Variants in EP400 observed in about 807,000 individuals in gnomAD.
EP400 encodes E1A-binding protein p400.
In EP400, 105 loss-of-function variants were observed where a neutral mutation model predicts 354.1. The observed-to-expected ratio is 0.30, with a 90% CI of 0.25 to 0.35. The LOEUF is 0.35. EP400 is among the 10% of genes least tolerant of loss of function. The pLI is 1.00. For synonymous variants in EP400, 1,646 were observed against 1,716.9 expected (o/e 0.96, Z 1.02); for missense variants, 3,280 against 4,121.0 (o/e 0.80, Z 5.59).
intron 1 of EP400, among the ~76,000 whole-genome samples, chr12:131,955,926 A>G (rs1891683427): frequency 6.6e-6 from 1 of 152,182 alleles, no homozygotes; most frequent in Non-Finnish European, 1.5e-5. Flanking sequence ...GATTACAGGC[A>G]TGAGTCACTG....
At chr12:131,987,294 T>C (rs1892885868) in intron 6 of EP400, among the ~76,000 whole-genome samples, 1 of 152,240 alleles carries the variant, frequency 6.6e-6, no homozygotes. Context: ...CCCCATTATT[T>C]GATTTTATCA....
Position 132,037,743 on chromosome 12 carries a change from C to T in EP400, c.6013C>T (p.Arg2005Ter), listed in dbSNP as rs1378171550. Reference sequence around the variant, plus strand: ...GAAAAATGGAACTAAAGATCTGATCCGAGAAGTGGCTGCTCAGGGAAATGA... The same window carrying T: ...GAAAAATGGAACTAAAGATCTGATCTGAGAAGTGGCTGCTCAGGGAAATGA... The part of the protein sequence containing the change: ...LLKNGTKDLI[R>*]EVAAQGNDYS... The change falls in exon 31 of 53, where the codon CGA becomes TGA. Residue 2005 changes from arginine (R) to a stop codon, truncating the protein, a stop_gained. Coordinates refer to ENST00000389561, the MANE Select transcript of EP400 (RefSeq NM_015409.5). LOFTEE classifies it high-confidence loss of function. 3 of 1,614,168 alleles carry T rather than the reference C, an allele frequency of 1.9e-6. No individual in the cohort carries two copies. The highest frequency in any genetic ancestry group is 2.5e-6 in the Non-Finnish European group (3 of 1,180,028).
At chr12:132,020,535 C>T (rs1032602527) in intron 22 of EP400, among the ~76,000 whole-genome samples, 53 of 152,230 alleles carry the variant, frequency 3.5e-4, no homozygotes, top group African/African-American at 1.2e-3. Context: ...CTCCTGAGAA[C>T]GTCTGCTCAT....
intron 29 of EP400, 24 bp from the exon 30 acceptor site, chr12:132,031,929 C>G: frequency 6.3e-7 from 1 of 1,581,988 alleles, no homozygotes; most frequent in African/African-American, 1.4e-5. Context: ...AGAATACTAA[C>G]TCCTGTGTTT....
At position 132,021,274 on chromosome 12, in the gene EP400, T is replaced by C. The variant is rs1195852111; in HGVS notation, c.4643T>C (p.Leu1548Pro). The change falls in exon 23 of 53, where the codon CTG becomes CCG. Residue 1548 changes from leucine (L) to proline (P), a missense_variant. By Grantham distance (98) the Leu-to-Pro change is moderately conservative. Coordinates refer to ENST00000389561, the MANE Select transcript of EP400 (RefSeq NM_015409.5). ...APSHAAGQSALPQRLVLPSQA... is the reference protein window; with the variant it reads ...APSHAAGQSAPPQRLVLPSQA... ...TCGCACGCGGCCGGGCAGAGCGCGCTGCCTCAGAGGCTGGTGCTCCCCTCG... is the reference window on the plus strand; with the variant it reads ...TCGCACGCGGCCGGGCAGAGCGCGCCGCCTCAGAGGCTGGTGCTCCCCTCG... 8 of 1,530,700 alleles carry C rather than the reference T, an allele frequency of 5.2e-6. No homozygotes were observed. The highest frequency in any genetic ancestry group is 7.0e-6 in the Non-Finnish European group (8 of 1,144,800). 94.8% of individuals were successfully genotyped at this position (1,530,700 alleles called of 1,614,324 possible).
At chr12:132,008,566 A>G (rs186822565) in intron 15 of EP400, among the ~76,000 whole-genome samples, 76 of 151,932 alleles carry the variant, frequency 5.0e-4, no homozygotes, top group African/African-American at 1.7e-3. Context: ...ATAGTAAAAT[A>G]TTGGAAGTAG....
Position 131,990,752 on chromosome 12 carries a change from G to C in EP400, c.2629+38G>C. 6.7e-7 allele frequency: 1 copy of C among 1,494,254 alleles called. No individual in the cohort carries two copies. Among genetic ancestry groups the C allele is most frequent in the Non-Finnish European group, 9.2e-7 (1 of 1,084,894 alleles). The allele number at this position is 1,494,254 out of a possible 1,614,324, so 92.6% of individuals were successfully genotyped here. ...AAAAAAAGGCTCACCACGCTTGGGT[G>C]GTATTTTGTTCGGATTCTTTTCTCA... On this transcript the variant is annotated intron_variant, in intron 9 of 52. Transcript: ENST00000389561. This position sits in a 1 kb window ranked among gnomAD's most constrained non-coding sequence, Gnocchi z 4.2.
intron 39 of EP400, among the ~76,000 whole-genome samples, chr12:132,046,690 C>T (rs745496717): frequency 1.0e-3 from 152 of 152,294 alleles, no homozygotes; most frequent in Non-Finnish European, 1.7e-3. Flanking sequence ...TGCCTTCCCT[C>T]GAGCTGAGTC....
chr12:131,957,620 A>G (rs1891747199), intron 1 of EP400, among the ~76,000 whole-genome samples: 1 of 150,352 alleles, frequency 6.7e-6, no homozygotes. Flanking sequence ...TGTTTGAGAC[A>G]GTTTTGGTTT....
rs1049572508 is a variant in EP400, at chr12:131,999,118, T to G, written c.2827+4162T>G. 4.0e-5 allele frequency among the ~76,000 whole-genome samples: 6 copies of G among 151,724 alleles called. No homozygotes were observed. In the South Asian group the frequency reaches 1.3e-3, roughly 32 times the overall value. On this transcript the variant is annotated intron_variant, in intron 12 of 52. Transcript: ENST00000389561. Reference sequence around the variant, plus strand: ...TCAGTAGAAAGGCAGATTATTAGAGTTTTGAGTCATAACTGCATGGTTCAA... The same window carrying G: ...TCAGTAGAAAGGCAGATTATTAGAGGTTTGAGTCATAACTGCATGGTTCAA...
intron 48 of EP400, chr12:132,065,811 G>C (rs1202415919): frequency 1.3e-5 from 2 of 152,284 alleles, no homozygotes; most frequent in Non-Finnish European, 2.9e-5. Flanking sequence ...AATTCACTGA[G>C]AAGGGTGGTA....
chr12:132,069,454 GGCATGGTCT>G (rs2136617800), intron 50 of EP400, 32 bp from the exon 51 acceptor site: 1 of 1,603,528 alleles, frequency 6.2e-7, no homozygotes, highest in East Asian at 2.2e-5. Context: ...TCTTGAGCGC[GGCATGGTCT>G]CTGCGGCCCT....
At chr12:132,058,585 C>T (rs928785258) in intron 45 of EP400, among the ~76,000 whole-genome samples, 15 of 151,968 alleles carry the variant, frequency 9.9e-5, no homozygotes, top group African/African-American at 3.6e-4. Flanking sequence ...CTCCTGATCT[C>T]GTGATCCACC....
At chr12:131,972,163 T>A (rs967162473) in intron 2 of EP400, among the ~76,000 whole-genome samples, 2 of 151,690 alleles carry the variant, frequency 1.3e-5, no homozygotes, top group African/African-American at 4.8e-5. Flanking sequence ...TTTTTCTTTT[T>A]TTTTTTTTAA....
At position 132,027,322 on chromosome 12, in the gene EP400, A is replaced by T; in HGVS notation, c.5015-115A>T. Reference sequence around the variant, plus strand: ...GGACTTGGGGACATGCCGTTGCAGAATGACTTTCTGTGGAGTGTGCTGGTG... The same window carrying T: ...GGACTTGGGGACATGCCGTTGCAGATTGACTTTCTGTGGAGTGTGCTGGTG... On this transcript the variant is annotated intron_variant, in intron 25 of 52. Transcript: ENST00000389561. This position sits in a 1 kb window ranked among gnomAD's most constrained non-coding sequence, Gnocchi z 4.9. 2 of 1,023,114 alleles carry T rather than the reference A, an allele frequency of 2.0e-6. No individual in the cohort carries two copies. The highest frequency in any genetic ancestry group is 3.0e-6 in the Non-Finnish European group (2 of 661,518). 63.4% of individuals were successfully genotyped at this position (1,023,114 alleles called of 1,614,324 possible).
At chr12:132,063,930 G>A (rs1051524471) in intron 47 of EP400, among the ~76,000 whole-genome samples, 4 of 152,180 alleles carry the variant, frequency 2.6e-5, no homozygotes, top group African/African-American at 9.7e-5. Flanking sequence ...AGGCCCAGCA[G>A]AGGCAACTGT....
intron 7 of EP400, among the ~76,000 whole-genome samples, chr12:131,988,879 T>C (rs1381317112): frequency 6.6e-6 from 1 of 152,182 alleles, no homozygotes; most frequent in Non-Finnish European, 1.5e-5. Context: ...ACCCAGAATT[T>C]TCCCCCTTGC....
In EP400 at chr12:131,991,796, A is replaced by G. The variant is rs184611324; in HGVS notation, c.2679+340A>G. Among the ~76,000 whole-genome samples, 13 of 151,708 alleles carry G rather than the reference A, an allele frequency of 8.6e-5. No homozygotes were observed. In the East Asian group the frequency reaches 2.3e-3, roughly 27 times the overall value. ...GAGATGGGGTTTCACCGTGTTGCCC[A>G]GGCTGGTCTCAAACTCCTGAGCTCA... On this transcript the variant is annotated intron_variant, in intron 10 of 52. Transcript: ENST00000389561.
chr12:131,979,078 G>C (rs1460171716), intron 2 of EP400, among the ~76,000 whole-genome samples: 2 of 151,966 alleles, frequency 1.3e-5, no homozygotes, highest in Non-Finnish European at 2.9e-5. Context: ...CTAGCCAGGC[G>C]TGGTGGCAGG....
Sources: allele counts gnomAD v4.1 joint callset (sites outside exome capture counted in the v4.1 genomes callset), GRCh38; gene constraint gnomAD v4.1.1; non-coding constraint Gnocchi (gnomAD v3.1); transcripts MANE v1.5; gene names NCBI Gene and HGNC (gene_info 2026-07-23, HGNC 2026-07-21).